MCF2L2: variants seen among roughly 807,000 people sequenced by gnomAD.
The protein encoded by MCF2L2 is probable guanine nucleotide exchange factor MCF2L2.
A neutral mutation model predicts 150.2 loss-of-function variants in MCF2L2; 102 were observed. The observed-to-expected ratio is 0.68, with a 90% CI of 0.58 to 0.80. MCF2L2 has a LOEUF of 0.80. Among genes scored for constraint, MCF2L2 ranks in the 30% least tolerant of loss-of-function variants. The pLI, the probability that MCF2L2 is intolerant of heterozygous loss-of-function variation, is 0.00. For missense variants in MCF2L2, 1,256 were observed against 1,372.8 expected, an observed-to-expected ratio of 0.91 and a Z score of 1.34; for synonymous variants, 465 against 491.3, an observed-to-expected ratio of 0.95 and a Z score of 0.71.
chr3:183,312,343 A>G (rs6443861), intron 7 of MCF2L2, among the ~76,000 whole-genome samples: 21,541 of 151,826 alleles, frequency 0.14, 4,120 homozygotes, highest in African/African-American at 0.43. Context: ...CCCCCATTCT[A>G]CTCTTTTAAC....
At chr3:183,360,748 T>C in intron 3 of MCF2L2, among the ~76,000 whole-genome samples, 1 of 151,988 alleles carries the variant, frequency 6.6e-6, no homozygotes, top group East Asian at 1.9e-4. Context: ...GGTGGGTGGA[T>C]CACCTGAGGT....
At chr3:183,284,905 C>G (rs968962201) in intron 14 of MCF2L2, among the ~76,000 whole-genome samples, 2 of 152,136 alleles carry the variant, frequency 1.3e-5, no homozygotes, top group Non-Finnish European at 2.9e-5. Flanking sequence ...CCCTGAATCT[C>G]CCATTAGCTC....
chr3:183,256,973 G>C (rs1053894211), intron 15 of MCF2L2, among the ~76,000 whole-genome samples: 1 of 152,124 alleles, frequency 6.6e-6, no homozygotes, highest in African/African-American at 2.4e-5. Context: ...CATCAGATCA[G>C]TATTTTTAAA....
At chr3:183,371,445 C>T (rs2108577482) in intron 3 of MCF2L2, among the ~76,000 whole-genome samples, 1 of 146,598 alleles carries the variant, frequency 6.8e-6, no homozygotes, top group Middle Eastern at 3.5e-3. Flanking sequence ...AGGTTGCAGT[C>T]TTTTGAGTCT....
At chr3:183,329,235 C>T (rs558794888) in intron 5 of MCF2L2, among the ~76,000 whole-genome samples, 1 of 152,296 alleles carries the variant, frequency 6.6e-6, no homozygotes, top group African/African-American at 2.4e-5. Flanking sequence ...CTCGCTCTGT[C>T]GCCCAGGCTG....
At chr3:183,219,536 G>A (rs1436397228) in intron 21 of MCF2L2, among the ~76,000 whole-genome samples, 9 of 151,848 alleles carry the variant, frequency 5.9e-5, no homozygotes, top group Non-Finnish European at 1.3e-4. Context: ...GCTTGAACCC[G>A]GGAGGCAGAG....
At chr3:183,260,921 C>T (rs1725524911) in intron 15 of MCF2L2, among the ~76,000 whole-genome samples, 1 of 152,190 alleles carries the variant, frequency 6.6e-6, no homozygotes, top group African/African-American at 2.4e-5. Flanking sequence ...CTAATTGTTG[C>T]CCATGGCTTG....
At chr3:183,418,860 G>A (rs1715729860) in intron 1 of MCF2L2, among the ~76,000 whole-genome samples, 1 of 152,208 alleles carries the variant, frequency 6.6e-6, no homozygotes, top group Admixed American at 6.5e-5. Flanking sequence ...GGCATACAGT[G>A]CAAGCTGTCG....
chr3:183,253,062 C>A (rs1724646417), intron 15 of MCF2L2, among the ~76,000 whole-genome samples: 1 of 152,216 alleles, frequency 6.6e-6, no homozygotes, highest in Admixed American at 6.5e-5. Context: ...AACTGACGAG[C>A]GGCAGGGAAA....
chr3:183,216,612 T>TGAGAGCGAGAGAGAG, intron 21 of MCF2L2, among the ~76,000 whole-genome samples: 1 of 91,646 alleles, frequency 1.1e-5, no homozygotes, highest in East Asian at 3.0e-4. Flanking sequence ...TTTTTTTTTT[T>TGAGAGCGAGAGAGAG]TTTTGAGAGC....
chr3:183,371,403 G>A (rs541434135), intron 3 of MCF2L2, among the ~76,000 whole-genome samples: 1 of 151,976 alleles, frequency 6.6e-6, no homozygotes, highest in African/African-American at 2.4e-5. Context: ...GGGTGAGGGG[G>A]GTTTCCAGTT....
intron 1 of MCF2L2, among the ~76,000 whole-genome samples, chr3:183,420,628 G>A (rs1455045838): frequency 6.6e-6 from 1 of 152,050 alleles, no homozygotes; most frequent in Non-Finnish European, 1.5e-5. Context: ...AACCTGAAAT[G>A]GGGTAATTTA....
rs191517040 is a variant in MCF2L2 at position 183,338,700 on chromosome 3, T to C, written c.486+100A>G. The C allele has an allele frequency of 8.9e-5, 113 of 1,273,918 alleles. No individual in the cohort carries two copies. In the African/African-American group the frequency reaches 1.5e-3, roughly 17 times the overall value. 78.9% of individuals were successfully genotyped at this position (1,273,918 alleles called of 1,614,324 possible). Reference sequence around the variant, plus strand: ...TCAGCCCAGAGAACCCTTTTCTCCCTCTCTACCTGTTGAATCTTATCTTGC... The same window carrying C: ...TCAGCCCAGAGAACCCTTTTCTCCCCCTCTACCTGTTGAATCTTATCTTGC... On this transcript the variant is annotated intron_variant, in intron 5 of 29. Coordinates refer to ENST00000328913, the MANE Select transcript of MCF2L2 (RefSeq NM_015078.4).
At chr3:183,399,651 G>A (rs908350034) in intron 1 of MCF2L2, among the ~76,000 whole-genome samples, 2 of 152,170 alleles carry the variant, frequency 1.3e-5, no homozygotes, top group African/African-American at 4.8e-5. Context: ...ATCAGTTCAT[G>A]CATCTAACAT....
intron 7 of MCF2L2, among the ~76,000 whole-genome samples, chr3:183,317,293 C>G (rs1428569337): frequency 6.6e-6 from 1 of 152,168 alleles, no homozygotes; most frequent in Non-Finnish European, 1.5e-5. Flanking sequence ...CATACACTGA[C>G]CGTCCAATCC....
intron 5 of MCF2L2, among the ~76,000 whole-genome samples, chr3:183,326,204 T>A (rs572815144): frequency 1.3e-5 from 2 of 152,192 alleles, no homozygotes; most frequent in South Asian, 4.1e-4. Context: ...TTTTATCCTG[T>A]GAAGAGGCTG....
intron 1 of MCF2L2, among the ~76,000 whole-genome samples, chr3:183,417,746 A>G (rs936486872): frequency 2.0e-5 from 3 of 152,192 alleles, no homozygotes; most frequent in African/African-American, 7.2e-5. Flanking sequence ...AAACTGGGTA[A>G]TTTATAAAGG....
At chr3:183,386,687 G>A (rs1361077711) in intron 2 of MCF2L2, among the ~76,000 whole-genome samples, 9 of 152,190 alleles carry the variant, frequency 5.9e-5, no homozygotes, top group African/African-American at 1.9e-4. Context: ...ATGAGTTGAG[G>A]CTGAGGCTGC....
rs1447378004 is a variant in MCF2L2, at chr3:183,200,379, A to T, written c.2885-5124T>A. Among the ~76,000 whole-genome samples, 3 of 152,220 alleles carry T rather than the reference A, an allele frequency of 2.0e-5. No homozygotes were observed. The South Asian group carries it at 6.2e-4, about 32-fold the overall frequency. On this transcript the variant is annotated intron_variant, in intron 25 of 29. Coordinates refer to ENST00000328913, the MANE Select transcript of MCF2L2 (RefSeq NM_015078.4). ...ATTTGCATTTCTCTGATGGCCAGTG[A>T]TGATGAGCATTTTTTCATGTGTCTG...
Sources: gnomAD v4.1 joint callset for allele counts (sites outside exome capture counted in the v4.1 genomes callset) on GRCh38, gnomAD v4.1.1 for gene constraint, MANE v1.5 for transcripts, NCBI Gene and HGNC (gene_info 2026-07-23, HGNC 2026-07-21) for gene names.